Variants in FSTL5 observed in about 807,000 individuals in gnomAD.
FSTL5 encodes follistatin-related protein 5.
FSTL5 carries 62 observed loss-of-function variants against 89.1 expected under a neutral mutation model. The ratio of observed to expected loss-of-function variants is 0.70; its 90% CI spans 0.57 to 0.86. FSTL5 has a LOEUF of 0.86. Among genes scored for constraint, FSTL5 ranks in the 40% least tolerant of loss-of-function variants. The pLI is 0.00. For synonymous variants in FSTL5, 383 were observed against 346.2 expected (o/e 1.11, Z -1.18); for missense variants, 1,057 against 1,001.6 (o/e 1.06, Z -0.75).
Position 161,991,161 on chromosome 4 carries a change from T to C in FSTL5, c.160+42464A>G, listed in dbSNP as rs186973541. Among the ~76,000 whole-genome samples the C allele has an allele frequency of 2.6e-5, 4 of 152,306 alleles. No individual in the cohort carries two copies. In the East Asian group the frequency reaches 5.8e-4, roughly 22 times the overall value. On this transcript the variant is annotated intron_variant, in intron 3 of 15. Coordinates refer to ENST00000306100, the MANE Select transcript of FSTL5 (RefSeq NM_020116.5). ...CTCAAAATACCATGTTTTAATTTCATATAACTTTGCATTTCATTTTAATGT... is the reference window on the plus strand; with the variant it reads ...CTCAAAATACCATGTTTTAATTTCACATAACTTTGCATTTCATTTTAATGT...
chr4:161,728,331 GA>G (rs1358077778), intron 6 of FSTL5, among the ~76,000 whole-genome samples: 4 of 152,124 alleles, frequency 2.6e-5, no homozygotes, highest in Non-Finnish European at 5.9e-5. Flanking sequence ...AATGTAGATG[GA>G]AACGGGGGCA....
intron 4 of FSTL5, among the ~76,000 whole-genome samples, chr4:161,919,685 T>C (rs1243364198): frequency 6.6e-6 from 1 of 152,172 alleles, no homozygotes; most frequent in African/African-American, 2.4e-5. Flanking sequence ...GAGTCATGAC[T>C]ATAAACGAGA....
chr4:161,565,480 T>A (rs1732764927), intron 8 of FSTL5, among the ~76,000 whole-genome samples: 1 of 151,882 alleles, frequency 6.6e-6, no homozygotes, highest in Non-Finnish European at 1.5e-5. Flanking sequence ...CATATATAAT[T>A]ATTTATCTTA....
chr4:161,861,434 G>C (rs963164513), intron 4 of FSTL5, among the ~76,000 whole-genome samples: 1 of 151,616 alleles, frequency 6.6e-6, no homozygotes, highest in Non-Finnish European at 1.5e-5. Context: ...GAAAGAGAGA[G>C]AGAGAGAAAG....
At chr4:161,781,168 A>G (rs1741652700) in intron 4 of FSTL5, among the ~76,000 whole-genome samples, 1 of 152,092 alleles carries the variant, frequency 6.6e-6, no homozygotes, top group Non-Finnish European at 1.5e-5. Context: ...TTTTGTATTT[A>G]AAGCATAAAA....
intron 7 of FSTL5, among the ~76,000 whole-genome samples, chr4:161,648,664 T>C (rs1736233498): frequency 4.1e-5 from 3 of 73,222 alleles, no homozygotes; most frequent in South Asian, 6.8e-4. Flanking sequence ...ACAATTTGGG[T>C]TTGGTCCTCT....
chr4:161,994,674 G>A (rs1736236568), intron 3 of FSTL5, among the ~76,000 whole-genome samples: 1 of 152,194 alleles, frequency 6.6e-6, no homozygotes, highest in African/African-American at 2.4e-5. Flanking sequence ...CAGCAAGTGT[G>A]TCTTCTTTTG....
intron 15 of FSTL5, among the ~76,000 whole-genome samples, chr4:161,445,068 A>G (rs1267096874): frequency 2.6e-5 from 4 of 152,148 alleles, no homozygotes; most frequent in Admixed American, 1.3e-4. Context: ...TGAGCAATAC[A>G]ATCTGAAAGC....
chr4:161,948,133 A>G (rs1245101681), intron 3 of FSTL5, among the ~76,000 whole-genome samples: 1 of 150,336 alleles, frequency 6.7e-6, no homozygotes, highest in South Asian at 2.1e-4. Context: ...AAAAAAAAAA[A>G]GCTGCTGGGT....
Position 162,117,033 on chromosome 4 carries a change from TGTACTAA to T in FSTL5, c.-16-5628_-16-5622del, listed in dbSNP as rs202071186. 2.2e-4 allele frequency among the ~76,000 whole-genome samples: 33 copies of T among 152,340 alleles called. No homozygotes were observed. In the East Asian group the frequency reaches 6.4e-3, roughly 29 times the overall value. ...AAGATGTAAAAGAAAGTAGTTTAGA[TGTACTAA>T]ACTAGTACCCACAGTCTAGCAAGTT... On this transcript the variant is annotated intron_variant, in intron 1 of 15. Coordinates refer to ENST00000306100, the MANE Select transcript of FSTL5 (RefSeq NM_020116.5).
At chr4:161,959,296 T>C (rs1005254336) in intron 3 of FSTL5, among the ~76,000 whole-genome samples, 4 of 151,980 alleles carry the variant, frequency 2.6e-5, no homozygotes, top group Non-Finnish European at 5.9e-5. Context: ...TTTATTTTAT[T>C]GATTTAAGAT....
intron 15 of FSTL5, among the ~76,000 whole-genome samples, chr4:161,396,668 AG>A (rs1731013805): frequency 6.6e-6 from 1 of 150,790 alleles, no homozygotes; most frequent in Admixed American, 6.6e-5. Flanking sequence ...AAAAAAAAAA[AG>A]AAAAGAAGTA....
chr4:161,948,552 G>A (rs183681303), intron 3 of FSTL5, among the ~76,000 whole-genome samples: 13 of 131,570 alleles, frequency 9.9e-5, no homozygotes, highest in Non-Finnish European at 1.1e-4. Context: ...AGTTCAAGCC[G>A]TTCTCCTGCC....
intron 4 of FSTL5, among the ~76,000 whole-genome samples, chr4:161,779,819 A>ATATATATATATATG (rs1741589038): frequency 1.6e-4 from 13 of 79,906 alleles, no homozygotes; most frequent in Admixed American, 7.8e-4. Flanking sequence ...ATGTATATAT[A>ATATATATATATATG]TATATATATA....
intron 6 of FSTL5, among the ~76,000 whole-genome samples, chr4:161,660,733 T>C (rs903502208): frequency 2.6e-5 from 4 of 152,164 alleles, no homozygotes; most frequent in African/African-American, 9.7e-5. Context: ...TATTTGGTCT[T>C]CTGTTCCTGC....
chr4:161,607,442 A>C (rs1408587413), intron 7 of FSTL5, among the ~76,000 whole-genome samples: 1 of 152,100 alleles, frequency 6.6e-6, no homozygotes, highest in Non-Finnish European at 1.5e-5. Context: ...AAATACTATA[A>C]AACTATGGCT....
At chr4:161,602,271 G>GAC (rs1425977076) in intron 7 of FSTL5, among the ~76,000 whole-genome samples, 1 of 150,990 alleles carries the variant, frequency 6.6e-6, no homozygotes, top group Non-Finnish European at 1.5e-5. Flanking sequence ...GAGAGAGAGA[G>GAC]AGAGAGAGAG....
At chr4:162,025,781 G>A (rs1257923311) in intron 3 of FSTL5, among the ~76,000 whole-genome samples, 2 of 151,630 alleles carry the variant, frequency 1.3e-5, no homozygotes, top group Non-Finnish European at 2.9e-5. Context: ...AAACTCTAGT[G>A]TATCATATTT....
At chr4:161,839,641 C>A (rs1346179065) in intron 4 of FSTL5, among the ~76,000 whole-genome samples, 3 of 151,982 alleles carry the variant, frequency 2.0e-5, no homozygotes, top group Admixed American at 2.0e-4. Flanking sequence ...ATGTGAAATT[C>A]CAATACAGAA....
Sources: gnomAD v4.1 joint callset for allele counts (sites outside exome capture counted in the v4.1 genomes callset) on GRCh38, gnomAD v4.1.1 for gene constraint, MANE v1.5 for transcripts, NCBI Gene and HGNC (gene_info 2026-07-23, HGNC 2026-07-21) for gene names.